PRRC2B: variants seen among roughly 807,000 people sequenced by gnomAD.
PRRC2B encodes proline rich coiled-coil 2B, also known as protein PRRC2B.
Under a neutral mutation model 242.3 loss-of-function variants are expected in PRRC2B, and 68 were observed. The observed-to-expected ratio is 0.28, with a 90% CI of 0.23 to 0.34. PRRC2B has a LOEUF of 0.34. Among genes scored for constraint, PRRC2B ranks in the 10% least tolerant of loss-of-function variants. The pLI, the probability that PRRC2B is intolerant of heterozygous loss-of-function variation, is 1.00. For synonymous variants in PRRC2B, 1,228 were observed against 1,173.6 expected (o/e 1.05, Z -0.95); for missense variants, 2,835 against 2,954.8 (o/e 0.96, Z 0.94).
chr9:131,469,534 A>G (rs746985778), intron 13 of PRRC2B, among the ~76,000 whole-genome samples: 5 of 152,148 alleles, frequency 3.3e-5, no homozygotes, highest in Non-Finnish European at 5.9e-5. Flanking sequence ...GAGTGCTCTT[A>G]ATAGGCACTG....
Position 131,436,677 on chromosome 9 carries a change from A to C in PRRC2B, c.351A>C (p.Lys117Asn). Residue 117 changes from lysine (K) to asparagine (N), a missense_variant, in exon 4 of 32, where the codon AAA becomes AAC. Coordinates refer to ENST00000683519, the MANE Select transcript of PRRC2B (RefSeq NM_013318.4). ...CGCTGCCGCAGCCGGGTTTGCAGAAATCTGTCTCCAATTTGCAGAAACCGA... is the reference window on the plus strand; with the variant it reads ...CGCTGCCGCAGCCGGGTTTGCAGAACTCTGTCTCCAATTTGCAGAAACCGA... ...PESLPQPGLQ[K>N]SVSNLQKPTQ... is the part of the protein sequence containing the mutation. The C allele has an allele frequency of 6.2e-7, 1 of 1,614,024 alleles. No individual in the cohort carries two copies. Among genetic ancestry groups the C allele is most frequent in the Non-Finnish European group, 8.5e-7 (1 of 1,179,894 alleles).
At chr9:131,438,345 GT>G (rs974731240) in intron 4 of PRRC2B, among the ~76,000 whole-genome samples, 71 of 152,166 alleles carry the variant, frequency 4.7e-4, no homozygotes, top group Non-Finnish European at 7.9e-4. Flanking sequence ...CTGAGCCTCA[GT>G]GGGGGATGTG....
chr9:131,374,670 G>A (rs1219137666), intron 1 of PRRC2B, among the ~76,000 whole-genome samples: 1 of 152,028 alleles, frequency 6.6e-6, no homozygotes, highest in Non-Finnish European at 1.5e-5. Flanking sequence ...GGGATTATAG[G>A]CATGCACCAC....
Position 131,491,541 on chromosome 9 carries a change from G to A in PRRC2B, c.6342G>A (p.Pro2114=), listed in dbSNP as rs764905453. The change falls in exon 29 of 32, where the codon CCG becomes CCA. Residue 2114 remains proline, a synonymous_variant. Coordinates refer to ENST00000683519, the MANE Select transcript of PRRC2B (RefSeq NM_013318.4). ...LSVGAPRRIP[P]PGSQPPVLNT... ...TTGGGGCCCCCCGAAGGATTCCTCC[G>A]CCCGGGTCCCAGCCGCCAGTCCTGA... 15 of 1,611,178 alleles carry A rather than the reference G, an allele frequency of 9.3e-6. No homozygotes were observed. Among genetic ancestry groups the A allele is most frequent in the East Asian group, 6.7e-5 (3 of 44,814 alleles).
Position 131,494,417 on chromosome 9 carries a change from T to C in PRRC2B, c.6486T>C (p.Ala2162=), listed in dbSNP as rs760013240. The C allele has an allele frequency of 6.3e-7, 1 of 1,597,702 alleles. No individual in the cohort carries two copies. The highest frequency in any genetic ancestry group is 8.5e-7 in the Non-Finnish European group (1 of 1,169,854). Residue 2162 remains alanine (A), a synonymous_variant, in exon 31 of 32, where the codon GCT becomes GCC. Transcript: ENST00000683519. This position sits in a 1 kb window ranked among gnomAD's most constrained non-coding sequence, Gnocchi z 4.3. ...PSPQTYRPSS[A]SPSGKPSGSA... ...TTGGTTTTTTCAGGCCTAGCTCTGCTAGCCCCAGTGGGAAGCCCTCTGGAT... is the reference window on the plus strand; with the variant it reads ...TTGGTTTTTTCAGGCCTAGCTCTGCCAGCCCCAGTGGGAAGCCCTCTGGAT...
intron 1 of PRRC2B, among the ~76,000 whole-genome samples, chr9:131,414,886 G>C (rs1478345468): frequency 6.6e-6 from 1 of 151,804 alleles, no homozygotes; most frequent in Admixed American, 6.6e-5. Context: ...TCGGGCTTCT[G>C]TTGGTCGTCA....
At chr9:131,443,934 T>TA (rs1299543172) in intron 5 of PRRC2B, among the ~76,000 whole-genome samples, 1 of 152,218 alleles carries the variant, frequency 6.6e-6, no homozygotes, top group African/African-American at 2.4e-5. Flanking sequence ...TGTGATGTCT[T>TA]ACCTCTTTCC....
At chr9:131,386,202 T>C (rs1836824310) in intron 1 of PRRC2B, among the ~76,000 whole-genome samples, 1 of 150,068 alleles carries the variant, frequency 6.7e-6, no homozygotes, top group South Asian at 2.1e-4. Context: ...AGCCTCGACT[T>C]CCTGGGCTCA....
intron 1 of PRRC2B, among the ~76,000 whole-genome samples, chr9:131,399,090 A>T (rs1157508774): frequency 6.6e-6 from 1 of 151,740 alleles, no homozygotes; most frequent in African/African-American, 2.4e-5. Context: ...AGCCTGGCCA[A>T]CATGGTGAAA....
chr9:131,396,285 C>T (rs1837053784), intron 1 of PRRC2B, among the ~76,000 whole-genome samples: 1 of 150,968 alleles, frequency 6.6e-6, no homozygotes, highest in Admixed American at 6.6e-5. Context: ...CCTTTCCCTT[C>T]CTTTTCCTTC....
chr9:131,481,672 C>T, intron 19 of PRRC2B, 54 bp from the exon 20 acceptor site: 1 of 1,397,238 alleles, frequency 7.2e-7, no homozygotes, highest in Non-Finnish European at 9.9e-7. Context: ...AGCTCATAAA[C>T]TCTCTAGACG....
At chr9:131,480,124 A>C (rs1362278047) in intron 19 of PRRC2B, among the ~76,000 whole-genome samples, 1 of 152,188 alleles carries the variant, frequency 6.6e-6, no homozygotes, top group Non-Finnish European at 1.5e-5. Flanking sequence ...TGGAGAGGTC[A>C]CCTAGTGCCA....
chr9:131,449,736 T>G (rs1342722816), intron 9 of PRRC2B, among the ~76,000 whole-genome samples: 1 of 152,234 alleles, frequency 6.6e-6, no homozygotes, highest in Non-Finnish European at 1.5e-5. Context: ...GAAGTTTGAA[T>G]TTTGAAGTTT....
intron 9 of PRRC2B, among the ~76,000 whole-genome samples, chr9:131,448,775 T>C (rs1838915737): frequency 6.6e-6 from 1 of 151,940 alleles, no homozygotes; most frequent in Non-Finnish European, 1.5e-5. Flanking sequence ...CCAACCTGAT[T>C]ATTTTCTTTT....
At chr9:131,435,398 T>C (rs1354155633) in intron 3 of PRRC2B, among the ~76,000 whole-genome samples, 1 of 151,938 alleles carries the variant, frequency 6.6e-6, no homozygotes, top group Non-Finnish European at 1.5e-5. Flanking sequence ...GCAGATCACA[T>C]GAGGTCAGGA....
intron 26 of PRRC2B, chr9:131,486,664 A>G (rs776433988): frequency 1.0e-4 from 47 of 454,670 alleles, no homozygotes; most frequent in Non-Finnish European, 1.1e-4. Flanking sequence ...GGGATGGTCT[A>G]GCCGCCCCTC....
chr9:131,399,403 C>T (rs1837162477), intron 1 of PRRC2B, among the ~76,000 whole-genome samples: 1 of 151,058 alleles, frequency 6.6e-6, no homozygotes, highest in Admixed American at 6.6e-5. Context: ...CACGATGAAA[C>T]CCCGTGTCTA....
intron 1 of PRRC2B, among the ~76,000 whole-genome samples, chr9:131,383,602 T>C (rs1419594038): frequency 9.8e-6 from 1 of 102,100 alleles, no homozygotes; most frequent in Non-Finnish European, 1.8e-5. Flanking sequence ...TGGTTTCTCT[T>C]TTTTTTTTTT....
chr9:131,479,052 C>T (rs1943785419), intron 18 of PRRC2B, among the ~76,000 whole-genome samples, 200 bp from the exon 19 acceptor site: 1 of 151,904 alleles, frequency 6.6e-6, no homozygotes, highest in Non-Finnish European at 1.5e-5. Context: ...GATTACAGTC[C>T]GTTGGCCTTT....
Sources: gnomAD v4.1 joint callset for allele counts (sites outside exome capture counted in the v4.1 genomes callset) on GRCh38, gnomAD v4.1.1 for gene constraint, Gnocchi (gnomAD v3.1) non-coding constraint, MANE v1.5 for transcripts, NCBI Gene and HGNC (gene_info 2026-07-23, HGNC 2026-07-21) for gene names.